The following CASKIN2 variants were observed in gnomAD, a reference collection of about 807,000 sequenced individuals.
The protein encoded by CASKIN2 is caskin-2.
CASKIN2 carries 41 observed loss-of-function variants against 107.1 expected under a neutral mutation model. The ratio of observed to expected loss-of-function variants is 0.38; its 90% CI spans 0.30 to 0.50. The LOEUF is 0.50. Among genes scored for constraint, CASKIN2 ranks in the 20% least tolerant of loss-of-function variants. The pLI, the probability that CASKIN2 is intolerant of heterozygous loss-of-function variation, is 0.92. For synonymous variants in CASKIN2, 724 were observed against 705.6 expected (o/e 1.03, Z -0.41); for missense variants, 1,546 against 1,657.4 (o/e 0.93, Z 1.17).
In CASKIN2 at chr17:75,505,376, T is replaced by A; in HGVS notation, c.930+181A>T. The A allele has an allele frequency of 3.0e-6, 2 of 663,220 alleles. No individual in the cohort carries two copies. The highest frequency in any genetic ancestry group is 5.5e-5 in the Admixed American group (2 of 36,672). 41.1% of individuals were successfully genotyped at this position (663,220 alleles called of 1,614,324 possible). Reference sequence around the variant, plus strand: ...TTCTCTTGATTTTATTTTGTTTAATTCTCAATTTTGTCATCTGTAAAGAAG... The same window carrying A: ...TTCTCTTGATTTTATTTTGTTTAATACTCAATTTTGTCATCTGTAAAGAAG... On this transcript the variant is annotated intron_variant, in intron 10 of 19. Coordinates refer to ENST00000321617, the MANE Select transcript of CASKIN2 (RefSeq NM_020753.5). The surrounding 1 kb of genome is among the most constrained non-coding windows in gnomAD (Gnocchi z 5.1).
rs1193423470 is a variant in CASKIN2 at position 75,503,383 on chromosome 17, C to G, written c.1819+6G>C. ...GGGCCCAGCCAGGCCTCAGGACAGT[C>G]CTTACCGAGCTTGTTGACCCCAATC... On this transcript the variant is annotated splice_donor_region_variant and intron_variant, in intron 17 of 19. Transcript: ENST00000321617. The G allele has an allele frequency of 6.2e-7, 1 of 1,611,382 alleles. No homozygotes were observed. Among genetic ancestry groups the G allele is most frequent in the East Asian group, 2.2e-5 (1 of 44,856 alleles).
intron 2 of CASKIN2, among the ~76,000 whole-genome samples, chr17:75,511,165 A>G (rs540556612): frequency 6.7e-6 from 1 of 149,486 alleles, no homozygotes; most frequent in East Asian, 2.0e-4. Context: ...GGTTCAAGCG[A>G]TCCTCCTGCC....
Position 75,501,639 on chromosome 17 carries a change from C to G in CASKIN2, c.3347G>C (p.Gly1116Ala), listed in dbSNP as rs776078286. ...SVACTQLAFS[G>A]PKLAPRLGPR... ...GCCGAGCCGGGGCGCTAGCTTAGGGCCAGAAAATGCCAGCTGGGTGCAGGC... is the reference window on the plus strand; with the variant it reads ...GCCGAGCCGGGGCGCTAGCTTAGGGGCAGAAAATGCCAGCTGGGTGCAGGC... The change falls in exon 19 of 20, where the codon GGC becomes GCC. Residue 1116 changes from glycine to alanine, a missense_variant. By Grantham distance (60) the Gly-to-Ala change is moderately conservative (BLOSUM62 0). Transcript: ENST00000321617. 1.3e-6 allele frequency: 2 copies of G among 1,590,872 alleles called. No homozygotes were observed. The highest frequency in any genetic ancestry group is 2.2e-5 in the South Asian group (2 of 89,848).
intron 1 of CASKIN2, 102 bp from the exon 2 acceptor site, chr17:75,514,310 C>G: frequency 2.5e-6 from 1 of 400,128 alleles, no homozygotes. Context: ...CCAGGGAGCC[C>G]CCAAGCCACC....
intron 2 of CASKIN2, among the ~76,000 whole-genome samples, chr17:75,513,287 A>T (rs1021766290): frequency 3.3e-5 from 5 of 151,068 alleles, no homozygotes; most frequent in South Asian, 2.1e-4. Flanking sequence ...CCAAAAATAT[A>T]AAAAAAAATT....
Position 75,504,851 on chromosome 17 carries a change from T to G in CASKIN2, c.1153A>C (p.Ser385Arg), listed in dbSNP as rs1261814018. ...CTGAGGCCCACCCGAGGAAGCTGGCTGTAGGTAAGAGGGTGCGGGGGTTCT... is the reference window on the plus strand; with the variant it reads ...CTGAGGCCCACCCGAGGAAGCTGGCGGTAGGTAAGAGGGTGCGGGGGTTCT... The part of the protein sequence containing the change: ...AEEPPHPLTY[S>R]QLPRVGLSPD... The change falls in exon 11 of 20, where the codon AGC (serine) becomes CGC (arginine). Residue 385 changes from serine (S) to arginine (R), a missense_variant. Ser to Arg is a moderately radical substitution (Grantham distance 110). This residue lies in a region of CASKIN2 where 1,311 missense variants were observed against 1,311.0 expected (regional missense o/e 1.00). Transcript: ENST00000321617. The G allele has an allele frequency of 6.2e-7, 1 of 1,609,970 alleles. No homozygotes were observed. The highest frequency in any genetic ancestry group is 1.1e-5 in the South Asian group (1 of 90,876).
Position 75,507,636 on chromosome 17 carries a change from G to A in CASKIN2, c.192C>T (p.Leu64=). 6.2e-7 allele frequency: 1 copy of A among 1,613,340 alleles called. No individual in the cohort carries two copies. The highest frequency in any genetic ancestry group is 1.7e-4 in the Middle Eastern group (1 of 6,050). ...CCTGAGCCTCTAGCAGCAAGGCTAT[G>A]AGCTCCAGGCTGCCCCCCAAAGCAG... ...HHAALGGSLE[L]IALLLEAQAT... The change falls in exon 4 of 20, where the codon CTC becomes CTT. Residue 64 remains leucine, a synonymous_variant. Transcript: ENST00000321617.
intron 2 of CASKIN2, 100 bp downstream of exon 2, chr17:75,513,611 T>A: frequency 1.0e-6 from 1 of 972,016 alleles, no homozygotes; most frequent in Non-Finnish European, 1.6e-6. Context: ...CAGTCCACCC[T>A]CCTCAAATAT....
intron 2 of CASKIN2, 51 bp from the exon 3 acceptor site, chr17:75,508,336 C>A: frequency 6.4e-7 from 1 of 1,574,096 alleles, no homozygotes; most frequent in East Asian, 2.3e-5. Flanking sequence ...TGCCCTCACT[C>A]AGCATCCCTC....
chr17:75,501,003 A>G lies in CASKIN2; in HGVS notation c.*77T>C. ...CCTGACCAGCCCTTGGCCCGTCCCT[A>G]GGGTGGCAGGGGCCTCTTCTGTGCT... On this transcript the variant is annotated 3_prime_UTR_variant, in exon 20 of 20. Coordinates refer to ENST00000321617, the MANE Select transcript of CASKIN2 (RefSeq NM_020753.5). 1 of 1,380,916 alleles carries G rather than the reference A, an allele frequency of 7.2e-7. No individual in the cohort carries two copies. Among genetic ancestry groups the G allele is most frequent in the Non-Finnish European group, 1.0e-6 (1 of 1,000,322 alleles). 85.5% of individuals were successfully genotyped at this position (1,380,916 alleles called of 1,614,324 possible). A position where few individuals can be genotyped will look rare whatever the true frequency, so the allele number is the denominator to read the frequency against.
chr17:75,501,198 A>G, intron 19 of CASKIN2, 28 bp from the exon 20 acceptor site: 5 of 1,551,904 alleles, frequency 3.2e-6, no homozygotes, highest in Non-Finnish European at 4.4e-6. Context: ...ATGCGGTCAG[A>G]TCAGCCAGTG....
rs976836409 is a variant in CASKIN2, at chr17:75,500,767, T to C, written c.*313A>G. 4 of 338,888 alleles carry C rather than the reference T, an allele frequency of 1.2e-5. No individual in the cohort carries two copies. The highest frequency in any genetic ancestry group is 2.2e-5 in the Non-Finnish European group (4 of 179,762). The allele number at this position is 338,888 out of a possible 1,614,324, so 21.0% of individuals were successfully genotyped here. ...GAAAGCACCCCCAAAGCCCCACCCC[T>C]ACTTCCTCCCTGAGGAGAGAGCTCT... is the stretch of plus-strand genomic sequence containing the variant. On this transcript the variant is annotated 3_prime_UTR_variant, in exon 20 of 20. Coordinates refer to ENST00000321617, the MANE Select transcript of CASKIN2 (RefSeq NM_020753.5).
intron 3 of CASKIN2, 117 bp from the exon 4 acceptor site, chr17:75,507,798 C>A: frequency 2.7e-6 from 2 of 739,228 alleles, no homozygotes; most frequent in South Asian, 3.4e-5. Flanking sequence ...CTGGCCCCCC[C>A]AACCCCAGCA....
rs1449909576 is a variant in CASKIN2 at position 75,503,703 on chromosome 17, T to C, written c.1636A>G (p.Ile546Val). ...CACTCGGCGATGCTGAGCTGAGCGATCTCTGAGGCGATCTTCTTCCTGTGC... is the reference window on the plus strand; with the variant it reads ...CACTCGGCGATGCTGAGCTGAGCGACCTCTGAGGCGATCTTCTTCCTGTGC... ...PGHRKKIASE[I>V]AQLSIAEWLP... is the part of the protein sequence containing the mutation. The change falls in exon 16 of 20, where the codon ATC (isoleucine) becomes GTC (valine). Residue 546 changes from isoleucine (I) to valine (V), a missense_variant. Ile to Val is a conservative substitution (Grantham distance 29). This residue lies in a region of CASKIN2 where 1,311 missense variants were observed against 1,311.0 expected (regional missense o/e 1.00). Coordinates refer to ENST00000321617, the MANE Select transcript of CASKIN2 (RefSeq NM_020753.5). 1 of 1,612,514 alleles carries C rather than the reference T, an allele frequency of 6.2e-7. No individual in the cohort carries two copies. Among genetic ancestry groups the C allele is most frequent in the South Asian group, 1.1e-5 (1 of 91,084 alleles).
At position 75,507,672 on chromosome 17, in the gene CASKIN2, G is replaced by A. The variant is rs1200054085; in HGVS notation, c.156C>T (p.Ala52=). Residue 52 remains alanine (A), a synonymous_variant, in exon 4 of 20, where the codon GCC becomes GCT. Transcript: ENST00000321617. ...TGCCCCCCAAAGCAGCGTGGTGGAG[G>A]GCAGAGAATCTGATGTGGGAGGACA... ...VNYQDADGFS[A]LHHAALGGSL... is the part of the protein sequence containing the mutation. The A allele has an allele frequency of 6.2e-7, 1 of 1,612,142 alleles. No individual in the cohort carries two copies. The highest frequency in any genetic ancestry group is 8.5e-7 in the Non-Finnish European group (1 of 1,179,086).
intron 4 of CASKIN2, 67 bp from the exon 5 acceptor site, chr17:75,507,196 A>ACT: frequency 6.6e-7 from 1 of 1,522,072 alleles, no homozygotes; most frequent in Non-Finnish European, 8.8e-7. Flanking sequence ...GGAACTGAGC[A>ACT]GAGTACGGAG....
Position 75,501,941 on chromosome 17 carries a change from G to T in CASKIN2, c.3133C>A (p.Pro1045Thr). 2 of 1,600,408 alleles carry T rather than the reference G, an allele frequency of 1.2e-6. No individual in the cohort carries two copies. Among genetic ancestry groups the T allele is most frequent in the Non-Finnish European group, 1.7e-6 (2 of 1,172,422 alleles). Residue 1045 changes from proline (P) to threonine (T), a missense_variant, in exon 18 of 20, where the codon CCA becomes ACA. Pro to Thr is a conservative substitution (Grantham distance 38). This residue lies in a region of CASKIN2 where 1,311 missense variants were observed against 1,311.0 expected (regional missense o/e 1.00). Transcript: ENST00000321617. ...SLPQPEPSSL[P>T]AQGVPTPLAP... ...AGGGGGGTTGGAACTCCTTGGGCTGGAAGGCTGCTGGGCTCGGGCTGGGGA... is the reference window on the plus strand; with the variant it reads ...AGGGGGGTTGGAACTCCTTGGGCTGTAAGGCTGCTGGGCTCGGGCTGGGGA...
Position 75,502,735 on chromosome 17 carries a change from T to C in CASKIN2, c.2339A>G (p.Tyr780Cys), listed in dbSNP as rs1567992851. Reference sequence around the variant, plus strand: ...GGGAGTGGCAGGGGGCCCGGCCAAGTAGGAGAAGGCCCAGGGTGCGCCAGG... The same window carrying C: ...GGGAGTGGCAGGGGGCCCGGCCAAGCAGGAGAAGGCCCAGGGTGCGCCAGG... ...PPPGAPWAFS[Y>C]LAGPPATPPD... Residue 780 changes from tyrosine (Y) to cysteine (C), a missense_variant, in exon 18 of 20, where the codon TAC becomes TGC. Around this residue, in one of 6 missense-constraint regions of CASKIN2, gnomAD observed 1,311 missense variants for 1,311.0 expected, o/e 1.00. Coordinates refer to ENST00000321617, the MANE Select transcript of CASKIN2 (RefSeq NM_020753.5). The surrounding 1 kb of genome is among the most constrained non-coding windows in gnomAD (Gnocchi z 4.3). 3 of 1,579,552 alleles carry C rather than the reference T, an allele frequency of 1.9e-6. No individual in the cohort carries two copies. Among genetic ancestry groups the C allele is most frequent in the East Asian group, 2.3e-5 (1 of 43,182 alleles).
chr17:75,514,393 G>A (rs987719162), intron 1 of CASKIN2, among the ~76,000 whole-genome samples, 185 bp from the exon 2 acceptor site: 2 of 151,982 alleles, frequency 1.3e-5, no homozygotes, highest in Admixed American at 6.6e-5. Context: ...CATGAGAGGA[G>A]TATTGGTGGG....
Sources: allele counts gnomAD v4.1 joint callset (sites outside exome capture counted in the v4.1 genomes callset), GRCh38; gene constraint gnomAD v4.1.1; regional missense constraint gnomAD v4.1.1; non-coding constraint Gnocchi (gnomAD v3.1); transcripts MANE v1.5; gene names NCBI Gene and HGNC (gene_info 2026-07-23, HGNC 2026-07-21).